The following CACNA1C variants were observed in gnomAD, a reference collection of about 807,000 sequenced individuals.
CACNA1C encodes the protein voltage-dependent L-type calcium channel subunit alpha-1C.
Under a neutral mutation model 229.0 loss-of-function variants are expected in CACNA1C, and 30 were observed. The observed-to-expected ratio is 0.13, with a 90% CI of 0.10 to 0.18. The LOEUF (loss-of-function observed/expected upper bound fraction) is 0.18, where lower values mean the gene tolerates loss of function less well. Among genes scored for constraint, CACNA1C ranks in the 10% least tolerant of loss-of-function variants. The pLI is 1.00. For missense variants in CACNA1C, 1,658 were observed against 2,845.0 expected (o/e 0.58, Z 9.49); for synonymous variants, 1,114 against 1,132.5 (o/e 0.98, Z 0.33).
At chr12:2,242,881 G>A (rs769138344) in intron 3 of CACNA1C, among the ~76,000 whole-genome samples, 4 of 152,230 alleles carry the variant, frequency 2.6e-5, no homozygotes, top group Non-Finnish European at 4.4e-5. Flanking sequence ...AAAGAACCCT[G>A]TGTGGTTAGC....
intron 13 of CACNA1C, among the ~76,000 whole-genome samples, chr12:2,572,836 T>TCTCTTCCTCCTC (rs1283254359): frequency 2.6e-5 from 2 of 76,852 alleles, no homozygotes; most frequent in East Asian, 4.9e-4. Flanking sequence ...CCCTCCTCCT[T>TCTCTTCCTCCTC]CTCTTCCTCC....
chr12:2,620,608 G>T (rs2082746041), intron 29 of CACNA1C, among the ~76,000 whole-genome samples: 1 of 152,186 alleles, frequency 6.6e-6, no homozygotes, highest in Admixed American at 6.5e-5. Context: ...TCCCTAGATT[G>T]CTTTGGACCT....
chr12:2,466,915 G>C (rs116443766), intron 5 of CACNA1C, among the ~76,000 whole-genome samples: 1 of 152,040 alleles, frequency 6.6e-6, no homozygotes, highest in Non-Finnish European at 1.5e-5. Context: ...CATGTCCTTG[G>C]ACTTGGCCCT....
chr12:2,460,023 C>T (rs1275014989), intron 5 of CACNA1C, among the ~76,000 whole-genome samples: 1 of 152,240 alleles, frequency 6.6e-6, no homozygotes, highest in African/African-American at 2.4e-5. Context: ...GCAACATTTA[C>T]ACCTGGCTCA....
intron 3 of CACNA1C, among the ~76,000 whole-genome samples, chr12:2,166,934 C>T (rs2096263358): frequency 6.6e-6 from 1 of 152,206 alleles, no homozygotes; most frequent in Non-Finnish European, 1.5e-5. Flanking sequence ...AAATAACCTA[C>T]ACCAGACGTA....
At chr12:2,524,485 T>C (rs1287830577) in intron 9 of CACNA1C, among the ~76,000 whole-genome samples, 1 of 152,180 alleles carries the variant, frequency 6.6e-6, no homozygotes, top group East Asian at 1.9e-4. Flanking sequence ...GAAGGTGCCA[T>C]GTCAGTCAGG....
At chr12:2,310,550 G>A (rs2095380652) in intron 3 of CACNA1C, among the ~76,000 whole-genome samples, 1 of 152,142 alleles carries the variant, frequency 6.6e-6, no homozygotes, top group South Asian at 2.1e-4. Flanking sequence ...TTCCAAAGGA[G>A]CAAATGCAAA....
At chr12:2,342,735 G>A (rs1283484351) in intron 3 of CACNA1C, among the ~76,000 whole-genome samples, 1 of 152,200 alleles carries the variant, frequency 6.6e-6, no homozygotes, top group Non-Finnish European at 1.5e-5. Context: ...GCTGCAGTAG[G>A]ATGATGTGTT....
intron 1 of CACNA1C, among the ~76,000 whole-genome samples, chr12:2,017,884 G>A (rs1403697115): frequency 6.6e-6 from 1 of 152,112 alleles, no homozygotes; most frequent in Non-Finnish European, 1.5e-5. Context: ...TTGGCTTGAA[G>A]GCAGTAGCAC....
In CACNA1C at chr12:2,124,147, T is replaced by TGTGC. The variant is rs1555204741; in HGVS notation, c.477+3718_477+3721dup. On this transcript the variant is annotated intron_variant, in intron 3 of 46. Coordinates refer to ENST00000399655, the MANE Select transcript of CACNA1C (RefSeq NM_000719.7). ...GTGTGTGTGTGTGTGTGTGTGTGTGTGTGCAGTCATTTGCCAAACATCTAT... is the reference window on the plus strand; with the variant it reads ...GTGTGTGTGTGTGTGTGTGTGTGTGTGTGCGTGCAGTCATTTGCCAAACATCTAT... Among the ~76,000 whole-genome samples the TGTGC allele has an allele frequency of 1.4e-4, 19 of 136,258 alleles. 1 individual carries two copies. In the South Asian group the frequency reaches 4.3e-3, roughly 31 times the overall value. 89.4% of individuals were successfully genotyped at this position (136,258 alleles called of 152,430 possible). A position where few individuals can be genotyped will look rare whatever the true frequency, so the allele number is the denominator to read the frequency against.
At chr12:2,303,112 T>C (rs1021362962) in intron 3 of CACNA1C, among the ~76,000 whole-genome samples, 2 of 152,176 alleles carry the variant, frequency 1.3e-5, no homozygotes, top group Non-Finnish European at 2.9e-5. Flanking sequence ...TCCAGAGGGA[T>C]GTGGTTGCAT....
rs547779103 is a variant in CACNA1C at position 2,408,174 on chromosome 12, G to A, written c.478-40802G>A. 1.2e-4 allele frequency among the ~76,000 whole-genome samples: 19 copies of A among 152,372 alleles called. No homozygotes were observed. The South Asian group carries it at 3.9e-3, about 32-fold the overall frequency. On this transcript the variant is annotated intron_variant, in intron 3 of 46. Coordinates refer to ENST00000399655, the MANE Select transcript of CACNA1C (RefSeq NM_000719.7). ...AAATATTACATGGTTCCACTTACGTGAGGTACCCAGACTAGGCAAATTCAC... is the reference window on the plus strand; with the variant it reads ...AAATATTACATGGTTCCACTTACGTAAGGTACCCAGACTAGGCAAATTCAC...
Position 2,562,785 on chromosome 12 carries a change from T to A in CACNA1C, c.1509-3637T>A, listed in dbSNP as rs185759654. ...GGTGTATATATTTATGAGGTGCATG[T>A]GATGTTTTGATCCAGGTGTACAATG... On this transcript the variant is annotated intron_variant, in intron 11 of 46. Coordinates refer to ENST00000399655, the MANE Select transcript of CACNA1C (RefSeq NM_000719.7). 2.2e-3 allele frequency among the ~76,000 whole-genome samples: 336 copies of A among 152,366 alleles called. 1 individual carries two copies. The highest frequency in any genetic ancestry group is 7.8e-3 in the African/African-American group (326 of 41,588).
rs571761525 is a variant in CACNA1C at position 2,285,087 on chromosome 12, G to A, written c.478-163889G>A. On this transcript the variant is annotated intron_variant, in intron 3 of 46. Coordinates refer to ENST00000399655, the MANE Select transcript of CACNA1C (RefSeq NM_000719.7). This position sits in a 1 kb window ranked among gnomAD's most constrained non-coding sequence, Gnocchi z 4.2. The stretch of plus-strand genomic sequence containing the variant: ...TCCTGCTCTCTGGGAGGAGGGACGG[G>A]CCGCTAAGTGCTGACGGCAGCCTGT... Among the ~76,000 whole-genome samples the A allele has an allele frequency of 9.8e-5, 15 of 152,308 alleles. No individual in the cohort carries two copies. The highest frequency in any genetic ancestry group is 9.8e-4 in the Admixed American group (15 of 15,302).
chr12:2,304,145 G>C (rs2094815846), intron 3 of CACNA1C, among the ~76,000 whole-genome samples: 1 of 152,172 alleles, frequency 6.6e-6, no homozygotes, highest in Admixed American at 6.5e-5. Flanking sequence ...TCTTCTGTCA[G>C]ATCTCTGAGG....
At position 2,520,812 on chromosome 12, in the gene CACNA1C, C is replaced by A. The variant is rs1482688870; in HGVS notation, c.1390+7828C>A. On this transcript the variant is annotated intron_variant, in intron 9 of 46. Transcript: ENST00000399655. The stretch of plus-strand genomic sequence containing the variant: ...AAGCCATGACAGTCTTCTCATTGCC[C>A]AATGGCCGTGTGCTTCAGAGGAGGG... Among the ~76,000 whole-genome samples, 3 of 151,400 alleles carry A rather than the reference C, an allele frequency of 2.0e-5. No homozygotes were observed. The East Asian group carries it at 5.9e-4, about 30-fold the overall frequency.
chr12:2,140,164 C>G (rs541539195), intron 3 of CACNA1C, among the ~76,000 whole-genome samples: 1 of 151,286 alleles, frequency 6.6e-6, no homozygotes, highest in East Asian at 1.9e-4. Context: ...GAGAACCTGT[C>G]CCATAACCAG....
chr12:2,192,044 GCACACACATACACACTCAGGCACAGA>G (rs1566274808), intron 3 of CACNA1C, among the ~76,000 whole-genome samples: 1 of 151,270 alleles, frequency 6.6e-6, no homozygotes, highest in African/African-American at 2.4e-5. Flanking sequence ...ACACATACAG[GCACACACATACACACTCAGGCACAGA>G]CACACACACA....
At position 2,611,974 on chromosome 12, in the gene CACNA1C, C is replaced by A. The variant is rs765393806; in HGVS notation, c.3789C>A (p.Thr1263=). ...ACATGCTCTTCACTGGCCTCTTCAC[C>A]GTGGAGATGATCCTGAAGCTCATTG... ...ILNMLFTGLF[T]VEMILKLIAF... Residue 1263 remains threonine (T), a synonymous_variant, in exon 29 of 47, where the codon ACC becomes ACA. Transcript: ENST00000399655. 3.7e-6 allele frequency: 6 copies of A among 1,612,922 alleles called. No homozygotes were observed. The Admixed American group carries it at 6.7e-5, about 18-fold the overall frequency.
Sources: gnomAD v4.1 joint callset for allele counts (sites outside exome capture counted in the v4.1 genomes callset) on GRCh38, gnomAD v4.1.1 for gene constraint, Gnocchi (gnomAD v3.1) non-coding constraint, MANE v1.5 for transcripts, NCBI Gene and HGNC (gene_info 2026-07-23, HGNC 2026-07-21) for gene names.